Variants in FRMD5 observed in about 807,000 individuals in gnomAD.
The protein encoded by FRMD5 is FERM domain containing 5.
Under a neutral mutation model 69.0 loss-of-function variants are expected in FRMD5, and 20 were observed. The observed-to-expected ratio is 0.29, with a 90% CI of 0.20 to 0.42. The LOEUF (loss-of-function observed/expected upper bound fraction) is 0.42. FRMD5 is among the 10% of genes least tolerant of loss of function. The probability of loss-of-function intolerance (pLI) is 1.00; values close to 1 mark genes in which losing one functional copy is unlikely to be tolerated. For synonymous variants in FRMD5, 271 were observed against 260.1 expected (o/e 1.04, Z -0.40); for missense variants, 595 against 708.6 (o/e 0.84, Z 1.82).
At chr15:44,057,919 G>A (rs952267728) in intron 1 of FRMD5, among the ~76,000 whole-genome samples, 3 of 152,172 alleles carry the variant, frequency 2.0e-5, no homozygotes, top group African/African-American at 7.2e-5. Context: ...ATTAGAAAAT[G>A]GGTCAGTGTG....
At chr15:44,117,436 G>A (rs1019227544) in intron 1 of FRMD5, among the ~76,000 whole-genome samples, 7 of 152,160 alleles carry the variant, frequency 4.6e-5, no homozygotes, top group Admixed American at 2.0e-4. Flanking sequence ...AAAGAGTTGG[G>A]GAGGACAAGA....
At chr15:44,113,089 G>C (rs368595182) in intron 1 of FRMD5, among the ~76,000 whole-genome samples, 23 of 152,180 alleles carry the variant, frequency 1.5e-4, no homozygotes, top group African/African-American at 5.6e-4. Flanking sequence ...TCCCAGAGAA[G>C]ATCAAAGGGT....
chr15:44,156,613 T>C (rs1317774668), intron 1 of FRMD5, among the ~76,000 whole-genome samples: 2 of 152,216 alleles, frequency 1.3e-5, no homozygotes, highest in Non-Finnish European at 2.9e-5. Flanking sequence ...CAGGAACATA[T>C]ATATGATCTA....
intron 1 of FRMD5, among the ~76,000 whole-genome samples, chr15:44,030,287 A>G (rs1891624210): frequency 6.6e-6 from 1 of 152,124 alleles, no homozygotes; most frequent in East Asian, 1.9e-4. Flanking sequence ...TACGTATCCA[A>G]ATCCCATACC....
At chr15:44,008,006 A>C (rs568742428) in intron 1 of FRMD5, among the ~76,000 whole-genome samples, 2 of 151,176 alleles carry the variant, frequency 1.3e-5, no homozygotes, top group African/African-American at 4.9e-5. Context: ...CAGTGGGATG[A>C]TCATGGCTCA....
intron 1 of FRMD5, among the ~76,000 whole-genome samples, chr15:44,035,435 T>G (rs951694396): frequency 6.6e-6 from 1 of 152,220 alleles, no homozygotes; most frequent in African/African-American, 2.4e-5. Context: ...CGTCAGACTT[T>G]GCCTGTGCCT....
At chr15:44,187,188 A>C (rs987471583) in intron 1 of FRMD5, among the ~76,000 whole-genome samples, 2 of 152,222 alleles carry the variant, frequency 1.3e-5, no homozygotes, top group Non-Finnish European at 2.9e-5. Context: ...AATAAAATTC[A>C]TATGTAGTTA....
At chr15:44,182,658 G>A (rs2078026338) in intron 1 of FRMD5, among the ~76,000 whole-genome samples, 1 of 151,976 alleles carries the variant, frequency 6.6e-6, no homozygotes, top group East Asian at 1.9e-4. Context: ...TTTTTTCAGA[G>A]CTAATACTTT....
At chr15:44,144,997 T>TA (rs1298227456) in intron 1 of FRMD5, among the ~76,000 whole-genome samples, 1 of 152,354 alleles carries the variant, frequency 6.6e-6, no homozygotes. Context: ...TTTGTCCTGA[T>TA]AAAGTGTTCT....
intron 1 of FRMD5, among the ~76,000 whole-genome samples, chr15:44,033,155 T>C (rs556217835): frequency 3.3e-5 from 5 of 152,114 alleles, no homozygotes; most frequent in African/African-American, 1.2e-4. Context: ...GGTAGCTAAA[T>C]GATAAAATAT....
chr15:44,164,139 C>CGGAAGGGA, intron 1 of FRMD5, among the ~76,000 whole-genome samples: 1 of 152,278 alleles, frequency 6.6e-6, no homozygotes, highest in Non-Finnish European at 1.5e-5. Context: ...TTCATTTCTT[C>CGGAAGGGA]AGCCCCACTC....
rs1329171665 is a variant in FRMD5, at chr15:43,871,723, T to C, written c.*2162A>G. 4 of 152,262 alleles carry C rather than the reference T, an allele frequency of 2.6e-5. No individual in the cohort carries two copies. Among genetic ancestry groups the C allele is most frequent in the Admixed American group, 1.3e-4 (2 of 15,286 alleles). 9.4% of individuals were successfully genotyped at this position (152,262 alleles called of 1,614,324 possible). On this transcript the variant is annotated 3_prime_UTR_variant, in exon 14 of 14. Transcript: ENST00000417257. ...AATTCTGCCTAAATTGTTGCTGGTA[T>C]GAAAATGGTCAGAGAAGCCCTCTTC...
chr15:43,912,566 G>A (rs889324294), intron 4 of FRMD5, among the ~76,000 whole-genome samples: 3 of 151,904 alleles, frequency 2.0e-5, no homozygotes, highest in Non-Finnish European at 4.4e-5. Context: ...GCTTGTCTGT[G>A]TCCAAAATTC....
intron 1 of FRMD5, among the ~76,000 whole-genome samples, chr15:43,949,071 G>C (rs1247448808): frequency 6.6e-6 from 1 of 152,214 alleles, no homozygotes; most frequent in Non-Finnish European, 1.5e-5. Flanking sequence ...GAAGCACTAA[G>C]CAGGCTTCAG....
At chr15:44,004,710 T>G (rs1378938165) in intron 1 of FRMD5, among the ~76,000 whole-genome samples, 1 of 152,222 alleles carries the variant, frequency 6.6e-6, no homozygotes, top group African/African-American at 2.4e-5. Flanking sequence ...ATATTGAAAT[T>G]AGCCAATTAA....
At chr15:43,893,144 CATTTT>C (rs2088835117) in intron 7 of FRMD5, among the ~76,000 whole-genome samples, 2 of 142,268 alleles carry the variant, frequency 1.4e-5, no homozygotes, top group Non-Finnish European at 3.0e-5. Flanking sequence ...AAAAAAAAAA[CATTTT>C]ATGGTATGTG....
chr15:43,944,951 A>ATCTTTTTT (rs370705444), intron 1 of FRMD5, among the ~76,000 whole-genome samples: 1 of 133,860 alleles, frequency 7.5e-6, no homozygotes. Context: ...AAGTTTATTT[A>ATCTTTTTT]TTTATTTTTT....
At chr15:44,104,939 T>C (rs1042331915) in intron 1 of FRMD5, among the ~76,000 whole-genome samples, 2 of 152,190 alleles carry the variant, frequency 1.3e-5, no homozygotes, top group Non-Finnish European at 2.9e-5. Context: ...TTGCATTATA[T>C]GGATATACCA....
At chr15:44,119,615 G>T (rs1443119058) in intron 1 of FRMD5, among the ~76,000 whole-genome samples, 1 of 152,052 alleles carries the variant, frequency 6.6e-6, no homozygotes, top group Admixed American at 6.6e-5. Context: ...ATCAGAGCAG[G>T]TTCTGATAAT....
Sources: allele counts gnomAD v4.1 joint callset (sites outside exome capture counted in the v4.1 genomes callset), GRCh38; gene constraint gnomAD v4.1.1; transcripts MANE v1.5; gene names NCBI Gene and HGNC (gene_info 2026-07-23, HGNC 2026-07-21).